PCBP2: variants seen among roughly 807,000 people sequenced by gnomAD.
The protein encoded by PCBP2 is poly(rC) binding protein 2.
In PCBP2, 4 loss-of-function variants were observed where a neutral mutation model predicts 50.1. The observed-to-expected ratio is 0.08, with a 90% CI of 0.04 to 0.18. The LOEUF is 0.18. Ranked by LOEUF, PCBP2 falls within the 10% of genes least tolerant of loss-of-function variation. PCBP2 has a pLI of 1.00. For missense variants in PCBP2, 161 were observed against 474.3 expected (o/e 0.34, Z 6.14); for synonymous variants, 179 against 168.0 (o/e 1.07, Z -0.51).
chr12:53,460,921 T>C (rs1941407879), intron 6 of PCBP2, 94 bp from the exon 7 acceptor site: 11 of 1,330,948 alleles, frequency 8.3e-6, no homozygotes, highest in South Asian at 3.8e-5. Context: ...TGGATAAATA[T>C]CTACTAGAGT....
intron 13 of PCBP2, among the ~76,000 whole-genome samples, chr12:53,470,339 T>C (rs916645563): frequency 1.8e-4 from 24 of 130,996 alleles, no homozygotes; most frequent in African/African-American, 6.4e-4. Context: ...ATCGTGCCAC[T>C]GCACTCCAGC....
intron 8 of PCBP2, among the ~76,000 whole-genome samples, chr12:53,462,878 G>C (rs1282316084): frequency 6.6e-6 from 1 of 152,086 alleles, no homozygotes; most frequent in East Asian, 1.9e-4. Context: ...TATGTGTGTG[G>C]GGTGATATTT....
At chr12:53,462,640 A>C (rs1592653508) in intron 8 of PCBP2, 73 bp downstream of exon 8, 5 of 1,232,012 alleles carry the variant, frequency 4.1e-6, no homozygotes, top group African/African-American at 1.5e-5. Context: ...CCAGCATCAC[A>C]CCAAGCCACT....
At chr12:53,474,851 T>C (rs1942466112) in intron 14 of PCBP2, 2 of 376,712 alleles carry the variant, frequency 5.3e-6, no homozygotes, top group Admixed American at 3.3e-5. Flanking sequence ...TTTTTGTTCC[T>C]TTTTTCCTCT....
At chr12:53,464,935 G>A (rs1322539237) in intron 9 of PCBP2, 83 bp downstream of exon 9, 4 of 1,450,648 alleles carry the variant, frequency 2.8e-6, no homozygotes, top group Non-Finnish European at 3.6e-6. Context: ...GGCCAGTGGC[G>A]CTGGTGATTT....
At chr12:53,455,232 C>G in intron 2 of PCBP2, 115 bp from the exon 3 acceptor site, 3 of 980,624 alleles carry the variant, frequency 3.1e-6, no homozygotes, top group Non-Finnish European at 3.0e-6. Flanking sequence ...AGTTAAAATT[C>G]CTTTTCATAA....
intron 4 of PCBP2, 124 bp downstream of exon 4, chr12:53,455,617 G>C (rs184580478): frequency 6.0e-6 from 6 of 997,644 alleles, no homozygotes; most frequent in Non-Finnish European, 9.2e-6. Context: ...TTTCGGCTTG[G>C]TTATTTGTAG....
chr12:53,455,844 T>G (rs781422947), intron 4 of PCBP2, 41 bp from the exon 5 acceptor site: 2 of 1,340,236 alleles, frequency 1.5e-6, no homozygotes, highest in East Asian at 4.6e-5. Flanking sequence ...TACTCAGATC[T>G]TCTTTGTTTT....
rs61213286 is a variant in PCBP2, at chr12:53,477,665, CAAAAAAAAA to C, written c.1053-1720_1053-1712del. Among the ~76,000 whole-genome samples the C allele has an allele frequency of 1.3e-3, 71 of 52,890 alleles. 1 individual carries two copies. The highest frequency in any genetic ancestry group is 4.9e-3 in the African/African-American group (56 of 11,470). 34.7% of individuals were successfully genotyped at this position (52,890 alleles called of 152,430 possible). A position where few individuals can be genotyped will look rare whatever the true frequency, so the allele number is the denominator to read the frequency against. ...TGGGTGACAAAGCAAGACTCTGTCT[CAAAAAAAAA>C]AAAAAAAAAAAAAAAAAAAACCCTA... is the stretch of plus-strand genomic sequence containing the variant. On this transcript the variant is annotated intron_variant, in intron 14 of 14. Transcript: ENST00000546463.
chr12:53,452,371 C>T lies in PCBP2; in HGVS notation c.-81C>T, dbSNP rs1316917682. 1 of 147,506 alleles carries T rather than the reference C, an allele frequency of 6.8e-6. No homozygotes were observed. 9.1% of individuals were successfully genotyped at this position (147,506 alleles called of 1,614,324 possible). On this transcript the variant is annotated 5_prime_UTR_variant, in exon 1 of 15. Coordinates refer to ENST00000546463, the MANE Select transcript of PCBP2 (RefSeq NM_031989.5). ...CCTTTTCCCCTCAGTCGCCTCGCGC[C>T]TGCAGGTAAGCCTAAAAATTTCCCT...
At chr12:53,474,070 T>TA (rs1318873759) in intron 14 of PCBP2, among the ~76,000 whole-genome samples, 1 of 152,224 alleles carries the variant, frequency 6.6e-6, no homozygotes, top group Non-Finnish European at 1.5e-5. Flanking sequence ...CATGTACCCT[T>TA]ACTGTTCTGT....
rs1350090577 is a variant in PCBP2 at position 53,480,980 on chromosome 12, T to C, written c.*1538T>C. Reference sequence around the variant, plus strand: ...TTGCCCTTAGCCACAGCTCTACGGCTGTGCCTCATTCATTTCCACAGCTGC... The same window carrying C: ...TTGCCCTTAGCCACAGCTCTACGGCCGTGCCTCATTCATTTCCACAGCTGC... On this transcript the variant is annotated 3_prime_UTR_variant, in exon 15 of 15. Transcript: ENST00000546463. 5 of 187,946 alleles carry C rather than the reference T, an allele frequency of 2.7e-5. No homozygotes were observed. Among genetic ancestry groups the C allele is most frequent in the Non-Finnish European group, 5.3e-5 (5 of 94,396 alleles). 11.6% of individuals were successfully genotyped at this position (187,946 alleles called of 1,614,324 possible). A position where few individuals can be genotyped will look rare whatever the true frequency, so the allele number is the denominator to read the frequency against.
Position 53,462,500 on chromosome 12 carries a change from C to T in PCBP2, c.512C>T (p.Pro171Leu). Reference protein sequence around the residue: ...QICVVMLESPPKGVTIPYRPK... With the variant: ...QICVVMLESPLKGVTIPYRPK... ...CCTCTGACTCTCTCCCAGTCCCCCC[C>T]GAAGGGCGTGACCATCCCGTACCGG... Residue 171 changes from proline to leucine, a missense_variant, in exon 8 of 15, where the codon CCG becomes CTG. Transcript: ENST00000546463. 6.2e-7 allele frequency: 1 copy of T among 1,611,770 alleles called. No homozygotes were observed. The highest frequency in any genetic ancestry group is 8.5e-7 in the Non-Finnish European group (1 of 1,178,352).
intron 14 of PCBP2, among the ~76,000 whole-genome samples, chr12:53,478,422 C>T (rs561430015): frequency 2.2e-4 from 34 of 151,908 alleles, no homozygotes; most frequent in African/African-American, 6.8e-4. Context: ...GCAGGAGAAT[C>T]GCTAGAACAC....
chr12:53,460,813 C>T (rs929808169), intron 6 of PCBP2: 1 of 484,666 alleles, frequency 2.1e-6, no homozygotes. Context: ...TTATTCTTGT[C>T]TTTCAGTGGC....
At position 53,455,866 on chromosome 12, in the gene PCBP2, G is replaced by T. The variant is rs1237174737; in HGVS notation, c.127-19G>T. ...ATCTTCTTTGTTTTAACTTCTTTTG[G>T]ATCTTGTTTCCTATCTAGAGTGGTG... On this transcript the variant is annotated intron_variant, in intron 4 of 14. Coordinates refer to ENST00000546463, the MANE Select transcript of PCBP2 (RefSeq NM_031989.5). 1 of 1,506,538 alleles carries T rather than the reference G, an allele frequency of 6.6e-7. No individual in the cohort carries two copies. Among genetic ancestry groups the T allele is most frequent in the South Asian group, 1.1e-5 (1 of 88,856 alleles). 93.3% of individuals were successfully genotyped at this position (1,506,538 alleles called of 1,614,324 possible).
chr12:53,456,169 A>G, intron 5 of PCBP2, 168 bp downstream of exon 5: 1 of 626,778 alleles, frequency 1.6e-6, no homozygotes, highest in Non-Finnish European at 2.9e-6. Flanking sequence ...TTGTAGTTTA[A>G]AAAAGAGTCA....
rs1402964123 is a variant in PCBP2, at chr12:53,467,270, C to G, written c.764C>G (p.Thr255Arg). The G allele has an allele frequency of 6.2e-7, 1 of 1,613,880 alleles. No homozygotes were observed. Among genetic ancestry groups the G allele is most frequent in the South Asian group, 1.1e-5 (1 of 91,080 alleles). The change falls in exon 11 of 15, where the codon ACG becomes AGG. Residue 255 changes from threonine (T) to arginine (R), a missense_variant. Around this residue, in one of 7 missense-constraint regions of PCBP2, gnomAD observed 51 missense variants for 193.0 expected, o/e 0.26. Transcript: ENST00000546463. ...ATGCAACAGTCTCATTTTCCCATGA[C>G]GCATGGCAACACCGGATTCAGTGGT... ...LAMQQSHFPMTHGNTGFSGIE... is the reference protein window; with the variant it reads ...LAMQQSHFPMRHGNTGFSGIE...
intron 14 of PCBP2, chr12:53,475,271 T>G (rs1942500249): frequency 2.4e-6 from 1 of 412,862 alleles, no homozygotes; most frequent in African/African-American, 2.0e-5. Context: ...TTGTTTTCCT[T>G]TGTTAACATT....
Sources: allele counts gnomAD v4.1 joint callset (sites outside exome capture counted in the v4.1 genomes callset), GRCh38; gene constraint gnomAD v4.1.1; regional missense constraint gnomAD v4.1.1; transcripts MANE v1.5; gene names NCBI Gene and HGNC (gene_info 2026-07-23, HGNC 2026-07-21).